DNAH8: variants seen among roughly 807,000 people sequenced by gnomAD.
The protein encoded by DNAH8 is dynein axonemal heavy chain 8, also known as axonemal beta dynein heavy chain 8.
Under a neutral mutation model 562.1 loss-of-function variants are expected in DNAH8, and 382 were observed. The observed-to-expected ratio is 0.68, with a 90% confidence interval of 0.63 to 0.74. The LOEUF (loss-of-function observed/expected upper bound fraction) is 0.74. DNAH8 is among the 30% of genes least tolerant of loss of function. DNAH8 has a pLI of 0.00. For missense variants in DNAH8, 5,203 were observed against 5,620.4 expected, an observed-to-expected ratio of 0.93 and a Z score of 2.37; for synonymous variants, 1,881 against 1,919.4, an observed-to-expected ratio of 0.98 and a Z score of 0.52.
rs118081634 is a variant in DNAH8 at position 38,970,651 on chromosome 6, C to T, written c.12452-941C>T. On this transcript the variant is annotated intron_variant, in intron 82 of 92. Transcript: ENST00000327475. ...TCTCTGGTTTCTGACATACTTCCCT[C>T]CCCACCCCATGAAGTCTCCAGCTTC... 2.2e-4 allele frequency among the ~76,000 whole-genome samples: 33 copies of T among 152,274 alleles called. No individual in the cohort carries two copies. The South Asian group carries it at 6.6e-3, about 31-fold the overall frequency.
chr6:39,003,050 A>T (rs1765586843), intron 88 of DNAH8, among the ~76,000 whole-genome samples: 1 of 152,182 alleles, frequency 6.6e-6, no homozygotes, highest in African/African-American at 2.4e-5. Flanking sequence ...TTCCTAAATG[A>T]ATCCAAAGGC....
At chr6:38,730,446 T>C (rs768190980) in intron 4 of DNAH8, among the ~76,000 whole-genome samples, 1 of 152,214 alleles carries the variant, frequency 6.6e-6, no homozygotes, top group Non-Finnish European at 1.5e-5. Context: ...TACCAGCTTG[T>C]TAAAACTTTG....
At chr6:38,812,512 CT>C (rs2150315304) in intron 24 of DNAH8, among the ~76,000 whole-genome samples, 1 of 152,304 alleles carries the variant, frequency 6.6e-6, no homozygotes, top group South Asian at 2.1e-4. Flanking sequence ...ATCAGAATCC[CT>C]TTCTGTCACG....
chr6:38,840,063 G>C (rs1318910380), intron 33 of DNAH8, among the ~76,000 whole-genome samples: 3 of 152,134 alleles, frequency 2.0e-5, no homozygotes, highest in Non-Finnish European at 4.4e-5. Context: ...ATACAAAATG[G>C]GGACCAGCAC....
rs1767291753 is a variant in DNAH8, at chr6:39,026,459, T to C, written c.13715-87T>C. On this transcript the variant is annotated intron_variant, in intron 91 of 92. Transcript: ENST00000327475. ...GATGGATGTGTAGTTTGGAGATTGA[T>C]AAGCAAGTAACACTTAACATTGCTT... is the stretch of plus-strand genomic sequence containing the variant. 2.2e-6 allele frequency: 3 copies of C among 1,338,810 alleles called. No homozygotes were observed. In the Admixed American group the frequency reaches 6.1e-5, roughly 27 times the overall value. 82.9% of individuals were successfully genotyped at this position (1,338,810 alleles called of 1,614,324 possible). A position where few individuals can be genotyped will look rare whatever the true frequency, so the allele number is the denominator to read the frequency against.
At chr6:38,798,484 A>G (rs1770495637) in intron 21 of DNAH8, among the ~76,000 whole-genome samples, 1 of 152,158 alleles carries the variant, frequency 6.6e-6, no homozygotes, top group African/African-American at 2.4e-5. Context: ...AGGATGCTTT[A>G]CTTTGTGTGG....
At chr6:38,937,319 C>G (rs905485894) in intron 77 of DNAH8, among the ~76,000 whole-genome samples, 2 of 151,080 alleles carry the variant, frequency 1.3e-5, no homozygotes, top group East Asian at 3.9e-4. Context: ...CAAACCTGCA[C>G]GTTCTGCATG....
At chr6:38,872,005 C>T (rs1285376766) in intron 49 of DNAH8, among the ~76,000 whole-genome samples, 1 of 152,182 alleles carries the variant, frequency 6.6e-6, no homozygotes, top group African/African-American at 2.4e-5. Context: ...TGGCTTCTTC[C>T]CATTCCTGTC....
At chr6:38,945,009 C>T (rs1783750892) in intron 79 of DNAH8, among the ~76,000 whole-genome samples, 1 of 151,930 alleles carries the variant, frequency 6.6e-6, no homozygotes, top group African/African-American at 2.4e-5. Context: ...TAACCCTAAC[C>T]TTAACCCCAA....
chr6:38,731,516 A>G lies in DNAH8; in HGVS notation c.610+1530A>G, dbSNP rs370728448. On this transcript the variant is annotated intron_variant, in intron 4 of 92. Coordinates refer to ENST00000327475, the MANE Select transcript of DNAH8 (RefSeq NM_001206927.2). ...TCTCTCAGTAGAATTTAGGTTGTTT[A>G]CAACTTTTTGCTCCCTGAAACAATG... 2.0e-5 allele frequency among the ~76,000 whole-genome samples: 3 copies of G among 152,334 alleles called. No homozygotes were observed. In the East Asian group the frequency reaches 5.8e-4, roughly 29 times the overall value.
At chr6:39,027,609 C>G (rs983209553) in intron 92 of DNAH8, among the ~76,000 whole-genome samples, 1 of 152,200 alleles carries the variant, frequency 6.6e-6, no homozygotes, top group Admixed American at 6.5e-5. Flanking sequence ...GGGAGGATCA[C>G]TTGAGGTCAG....
chr6:38,746,436 G>A (rs1215566958), intron 8 of DNAH8, among the ~76,000 whole-genome samples: 1 of 152,078 alleles, frequency 6.6e-6, no homozygotes. Flanking sequence ...CTTCTCCAAG[G>A]ATCCTGGGTT....
rs779237892 is a variant in DNAH8, at chr6:38,872,792, A to G, written c.7237+10A>G. 1.9e-6 allele frequency: 3 copies of G among 1,613,840 alleles called. No homozygotes were observed. The Admixed American group carries it at 5.0e-5, about 27-fold the overall frequency. On this transcript the variant is annotated intron_variant, in intron 50 of 92. Coordinates refer to ENST00000327475, the MANE Select transcript of DNAH8 (RefSeq NM_001206927.2). ...TTAAAAGCTAAAAAAGGTATACACA[A>G]ACCTCCTTTGTGATCATTTTTTCCC...
intron 32 of DNAH8, among the ~76,000 whole-genome samples, chr6:38,835,795 A>G (rs1042331383): frequency 9.9e-5 from 15 of 152,118 alleles, no homozygotes; most frequent in African/African-American, 3.6e-4. Flanking sequence ...AGGCAATAAT[A>G]AGGAGTCTGA....
Position 38,951,367 on chromosome 6 carries a change from G to A in DNAH8, c.12298G>A (p.Asp4100Asn), listed in dbSNP as rs1461288589. The A allele has an allele frequency of 6.2e-7, 1 of 1,614,054 alleles. No homozygotes were observed. The highest frequency in any genetic ancestry group is 1.3e-5 in the African/African-American group (1 of 74,920). ...TTTTCAAGCAAGAAAGTATATTGCA[G>A]ATTCTTTGGAGGAGAAGTACACAGA... ...TVFQARKYIA[D>N]SLEEKYTEPV... Residue 4100 changes from aspartate (D) to asparagine (N), a missense_variant, in exon 82 of 93, where the codon GAT becomes AAT. By Grantham distance (23) the Asp-to-Asn change is conservative. Around this residue, in one of 6 missense-constraint regions of DNAH8, gnomAD observed 1,399 missense variants for 1,518.4 expected, o/e 0.92. Coordinates refer to ENST00000327475, the MANE Select transcript of DNAH8 (RefSeq NM_001206927.2).
At chr6:38,971,738 C>A in intron 83 of DNAH8, 73 bp downstream of exon 83, 3 of 1,187,002 alleles carry the variant, frequency 2.5e-6, no homozygotes, top group Non-Finnish European at 2.4e-6. Context: ...TTACCACATT[C>A]TTCTCGTGAT....
At chr6:38,971,870 T>C (rs889931739) in intron 83 of DNAH8, 1 of 394,462 alleles carries the variant, frequency 2.5e-6, no homozygotes, top group Non-Finnish European at 4.5e-6. Flanking sequence ...TGCTCCATTT[T>C]ACCTTCACCA....
At chr6:38,900,201 C>T (rs564227098) in intron 62 of DNAH8, among the ~76,000 whole-genome samples, 1 of 152,256 alleles carries the variant, frequency 6.6e-6, no homozygotes, top group African/African-American at 2.4e-5. Flanking sequence ...ATTAGTTTTG[C>T]CCAGTTTTGA....
At chr6:38,793,392 C>T (rs1769935303) in intron 21 of DNAH8, among the ~76,000 whole-genome samples, 1 of 133,706 alleles carries the variant, frequency 7.5e-6, no homozygotes, top group Admixed American at 7.4e-5. Context: ...TTGGGTGTTC[C>T]TCTATCATTA....
Sources: gnomAD v4.1 joint callset for allele counts (sites outside exome capture counted in the v4.1 genomes callset) on GRCh38, gnomAD v4.1.1 for gene constraint, gnomAD v4.1.1 regional missense constraint, MANE v1.5 for transcripts, NCBI Gene and HGNC (gene_info 2026-07-23, HGNC 2026-07-21) for gene names.